DHX35: variants seen among roughly 807,000 people sequenced by gnomAD.
DHX35 encodes DEAH-box helicase 35, also known as probable ATP-dependent RNA helicase DHX35.
In DHX35, 84 loss-of-function variants were observed where a neutral mutation model predicts 99.6. The observed-to-expected ratio is 0.84, with a 90% CI of 0.71 to 1.01. The LOEUF is 1.01. Ranked by LOEUF, DHX35 falls within the 50% of genes least tolerant of loss-of-function variation. The pLI is 0.00. For synonymous variants in DHX35, 331 were observed against 316.2 expected (o/e 1.05, Z -0.50); for missense variants, 852 against 888.5 (o/e 0.96, Z 0.52).
chr20:39,030,542 G>C, intron 19 of DHX35, 162 bp from the exon 20 acceptor site: 1 of 634,302 alleles, frequency 1.6e-6, no homozygotes, highest in Non-Finnish European at 2.7e-6. Context: ...GTGGCAGCCA[G>C]GAGAGGGATC....
At chr20:38,973,040 C>G (rs547926820) in intron 3 of DHX35, among the ~76,000 whole-genome samples, 2 of 152,308 alleles carry the variant, frequency 1.3e-5, no homozygotes, top group South Asian at 4.1e-4. Context: ...TGGAAGAACC[C>G]TTTCTTACTA....
At chr20:39,017,087 C>CA (rs2086798044) in intron 14 of DHX35, among the ~76,000 whole-genome samples, 1 of 151,690 alleles carries the variant, frequency 6.6e-6, no homozygotes, top group Non-Finnish European at 1.5e-5. Flanking sequence ...TTACGTGTGC[C>CA]CTTGGTGTCA....
chr20:39,006,360 A>G lies in DHX35; in HGVS notation c.1222+4A>G, dbSNP rs1316102694. 1 of 1,613,044 alleles carries G rather than the reference A, an allele frequency of 6.2e-7. No individual in the cohort carries two copies. The highest frequency in any genetic ancestry group is 8.5e-7 in the Non-Finnish European group (1 of 1,179,090). ...AAATGTTATCGCCTTTATACAGGTT[A>G]GTGTGGCTTTCCCTAAGGGTTTTTG... On this transcript the variant is annotated splice_donor_region_variant and intron_variant, in intron 12 of 21. Transcript: ENST00000252011.
chr20:38,997,045 ATT>A (rs1491162797), intron 8 of DHX35, among the ~76,000 whole-genome samples: 5 of 145,348 alleles, frequency 3.4e-5, no homozygotes, highest in African/African-American at 1.3e-4. Context: ...TCTTAGATTC[ATT>A]TTATTTATTT....
At chr20:38,976,922 A>C (rs2086088449) in intron 3 of DHX35, among the ~76,000 whole-genome samples, 1 of 152,240 alleles carries the variant, frequency 6.6e-6, no homozygotes, top group Non-Finnish European at 1.5e-5. Context: ...GTGTTGGCGC[A>C]AATGACAGGA....
intron 21 of DHX35, among the ~76,000 whole-genome samples, chr20:39,036,726 CAAAAAAAAAA>C (rs60032935): frequency 8.9e-4 from 46 of 51,704 alleles, no homozygotes; most frequent in African/African-American, 3.4e-3. Flanking sequence ...ACTGTCCCCC[CAAAAAAAAAA>C]AAAAAAAAAA....
chr20:39,008,253 A>G (rs964774724), intron 12 of DHX35, among the ~76,000 whole-genome samples: 1 of 152,252 alleles, frequency 6.6e-6, no homozygotes, highest in Admixed American at 6.5e-5. Flanking sequence ...TGTTGTATAG[A>G]TAAACCACAC....
At chr20:39,037,461 C>T (rs1021575251) in intron 21 of DHX35, among the ~76,000 whole-genome samples, 6 of 152,156 alleles carry the variant, frequency 3.9e-5, no homozygotes, top group African/African-American at 7.2e-5. Flanking sequence ...GGGTCCTGTT[C>T]GCTCTGTTGT....
chr20:38,988,125 T>C (rs1157387399), intron 4 of DHX35, among the ~76,000 whole-genome samples: 1 of 152,194 alleles, frequency 6.6e-6, no homozygotes, highest in Admixed American at 6.5e-5. Flanking sequence ...CCTTTTTGCT[T>C]TGGCCACCAA....
rs2086686452 is a variant in DHX35 at position 39,010,523 on chromosome 20, T to C, written c.1347+119T>C. 4 of 1,399,804 alleles carry C rather than the reference T, an allele frequency of 2.9e-6. No individual in the cohort carries two copies. In the East Asian group the frequency reaches 9.9e-5, roughly 35 times the overall value. 86.7% of individuals were successfully genotyped at this position (1,399,804 alleles called of 1,614,324 possible). On this transcript the variant is annotated intron_variant, in intron 13 of 21. Coordinates refer to ENST00000252011, the MANE Select transcript of DHX35 (RefSeq NM_021931.4). ...TTTTCCCTACTCAGGTCATGTGTTGTGTGTCTGCTTTGCAACCAGGCCCTG... is the reference window on the plus strand; with the variant it reads ...TTTTCCCTACTCAGGTCATGTGTTGCGTGTCTGCTTTGCAACCAGGCCCTG...
chr20:38,965,120 G>T (rs941898714), intron 1 of DHX35, among the ~76,000 whole-genome samples: 12 of 152,200 alleles, frequency 7.9e-5, no homozygotes, highest in African/African-American at 2.7e-4. Context: ...AGTCTCTAAG[G>T]AATTCCAGCA....
chr20:39,001,136 T>C (rs1292912153), intron 8 of DHX35, among the ~76,000 whole-genome samples: 2 of 152,026 alleles, frequency 1.3e-5, no homozygotes, highest in African/African-American at 4.8e-5. Flanking sequence ...ACTGCACGAG[T>C]GTTGGGGAAG....
chr20:39,025,501 A>C (rs2086943652), intron 18 of DHX35, 142 bp downstream of exon 18: 1 of 1,086,798 alleles, frequency 9.2e-7, no homozygotes, highest in Non-Finnish European at 1.3e-6. Context: ...AGTTGCCTGC[A>C]TCTGTGAAAA....
chr20:39,005,039 C>T (rs915599434), intron 11 of DHX35, among the ~76,000 whole-genome samples: 6 of 140,278 alleles, frequency 4.3e-5, no homozygotes, highest in South Asian at 2.3e-4. Context: ...AGCTGTAAAA[C>T]GTAAATAATA....
In DHX35 at chr20:38,992,349, T is replaced by G. The variant is rs774897916; in HGVS notation, c.513-7T>G. 1.2e-6 allele frequency: 2 copies of G among 1,613,936 alleles called. No individual in the cohort carries two copies. Among genetic ancestry groups the G allele is most frequent in the South Asian group, 2.2e-5 (2 of 91,086 alleles). Reference sequence around the variant, plus strand: ...AGGCTCACTGAGAGCTTCTCTTTGATTCTTAGTGTCATCATGCTGGATGAA... The same window carrying G: ...AGGCTCACTGAGAGCTTCTCTTTGAGTCTTAGTGTCATCATGCTGGATGAA... On this transcript the variant is annotated splice_polypyrimidine_tract_variant and splice_region_variant and intron_variant, in intron 6 of 21. Transcript: ENST00000252011.
chr20:39,034,774 C>CT (rs59858652), intron 21 of DHX35, among the ~76,000 whole-genome samples: 4,637 of 135,100 alleles, frequency 0.034, 175 homozygotes, highest in African/African-American at 0.097. Flanking sequence ...TTTCTTTTTT[C>CT]TTTTTTTTTT....
At chr20:39,033,202 C>T (rs1254104926) in intron 20 of DHX35, among the ~76,000 whole-genome samples, 2 of 152,138 alleles carry the variant, frequency 1.3e-5, no homozygotes, top group Admixed American at 6.5e-5. Flanking sequence ...CACCACTGCA[C>T]TCTAGCCTGG....
rs777309119 is a variant in DHX35 at position 39,030,754 on chromosome 20, A to G, written c.1934A>G (p.Tyr645Cys). 4.3e-6 allele frequency: 7 copies of G among 1,614,174 alleles called. No individual in the cohort carries two copies. The highest frequency in any genetic ancestry group is 4.5e-5 in the East Asian group (2 of 44,888). The change falls in exon 20 of 22, where the codon TAT becomes TGT. Residue 645 changes from tyrosine to cysteine, a missense_variant. Physicochemically the swap from Tyr to Cys is radical, Grantham distance 194 (BLOSUM62 -2). Coordinates refer to ENST00000252011, the MANE Select transcript of DHX35 (RefSeq NM_021931.4). Reference protein sequence around the residue: ...ELHIHPASVLYAEKPPRWVIY... With the variant: ...ELHIHPASVLCAEKPPRWVIY... ...CACATACACCCTGCGTCAGTCCTCT[A>G]TGCAGAGAAGCCGCCTCGCTGGTAA...
intron 3 of DHX35, chr20:38,978,348 G>A: frequency 1.4e-6 from 1 of 739,744 alleles, no homozygotes; most frequent in South Asian, 1.4e-5. Flanking sequence ...CATCTTTGAT[G>A]GCCTTTAGTT....
Sources: allele counts gnomAD v4.1 joint callset (sites outside exome capture counted in the v4.1 genomes callset), GRCh38; gene constraint gnomAD v4.1.1; transcripts MANE v1.5; gene names NCBI Gene and HGNC (gene_info 2026-07-23, HGNC 2026-07-21).